The following FGGY variants were observed in gnomAD, a reference collection of about 807,000 sequenced individuals.
The protein encoded by FGGY is FGGY carbohydrate kinase domain-containing protein.
Under a neutral mutation model 71.3 loss-of-function variants are expected in FGGY, and 72 were observed. The observed-to-expected ratio is 1.01, with a 90% CI of 0.84 to 1.23. The LOEUF (loss-of-function observed/expected upper bound fraction) is 1.23, where lower values mean the gene tolerates loss of function less well. FGGY is among the 50% of genes most tolerant of loss of function. The pLI, the probability that FGGY is intolerant of heterozygous loss-of-function variation, is 0.00. For missense variants in FGGY, 668 were observed against 682.3 expected, an observed-to-expected ratio of 0.98 and a Z score of 0.23; for synonymous variants, 251 against 250.3, an observed-to-expected ratio of 1.00 and a Z score of -0.02.
chr1:59,601,741 G>A (rs1489011205), intron 8 of FGGY, among the ~76,000 whole-genome samples: 1 of 152,186 alleles, frequency 6.6e-6, no homozygotes, highest in African/African-American at 2.4e-5. Flanking sequence ...TGGCTCTGAT[G>A]TCTGTCTTTC....
Position 59,587,229 on chromosome 1 carries a change from G to A in FGGY, c.904-20574G>A, listed in dbSNP as rs2096313930. Among the ~76,000 whole-genome samples, 3 of 152,330 alleles carry A rather than the reference G, an allele frequency of 2.0e-5. No individual in the cohort carries two copies. The South Asian group carries it at 6.2e-4, about 32-fold the overall frequency. On this transcript the variant is annotated intron_variant, in intron 8 of 15. Transcript: ENST00000303721. ...TCTGAGATCAAACTGCAAGGCGGCA[G>A]CAAGGCTGGGGGAGGGGCGCCCGCC...
At chr1:59,681,442 ACT>A (rs2097497834) in intron 14 of FGGY, among the ~76,000 whole-genome samples, 1 of 151,992 alleles carries the variant, frequency 6.6e-6, no homozygotes, top group Non-Finnish European at 1.5e-5. Flanking sequence ...GGATTACAGA[ACT>A]CTCTTTCTAT....
chr1:59,484,182 G>A (rs911878500), intron 6 of FGGY, among the ~76,000 whole-genome samples: 3 of 152,120 alleles, frequency 2.0e-5, no homozygotes, highest in Non-Finnish European at 4.4e-5. Context: ...TTCAAAAGCA[G>A]GCCTGACTCC....
intron 8 of FGGY, among the ~76,000 whole-genome samples, chr1:59,596,781 G>A (rs1433170253): frequency 3.3e-5 from 5 of 152,174 alleles, no homozygotes; most frequent in East Asian, 1.9e-4. Context: ...TCTGCCTGCC[G>A]CAGATGTGCT....
Position 59,367,523 on chromosome 1 carries a change from C to CT in FGGY, c.466-11222dup, listed in dbSNP as rs780575265. Among the ~76,000 whole-genome samples the CT allele has an allele frequency of 2.6e-5, 4 of 152,340 alleles. No homozygotes were observed. The East Asian group carries it at 5.8e-4, about 22-fold the overall frequency. On this transcript the variant is annotated intron_variant, in intron 4 of 15. Coordinates refer to ENST00000303721, the MANE Select transcript of FGGY (RefSeq NM_018291.5). ...GGGGAATTAGGGAGCTGTTCCCTCC[C>CT]TTTTGTTTACTGCTCACAGCAGATA... is the stretch of plus-strand genomic sequence containing the variant.
chr1:59,640,006 C>G (rs1430936579), intron 11 of FGGY, among the ~76,000 whole-genome samples: 3 of 152,208 alleles, frequency 2.0e-5, no homozygotes, highest in Non-Finnish European at 4.4e-5. Context: ...ATTCTCATAT[C>G]ATGAGAATAA....
intron 10 of FGGY, among the ~76,000 whole-genome samples, chr1:59,627,485 TATATACAC>T (rs1335042801): frequency 0.01 from 1,139 of 113,820 alleles, 9 homozygotes; most frequent in Middle Eastern, 0.035. Flanking sequence ...TATATATATA[TATATACAC>T]ACACACACAC....
At chr1:59,618,702 G>A (rs892808805) in intron 9 of FGGY, among the ~76,000 whole-genome samples, 1 of 152,050 alleles carries the variant, frequency 6.6e-6, no homozygotes, top group Non-Finnish European at 1.5e-5. Flanking sequence ...GATGACAAAA[G>A]TGTCCTCAGT....
chr1:59,380,387 G>T (rs954816992), intron 5 of FGGY, among the ~76,000 whole-genome samples: 38 of 151,500 alleles, frequency 2.5e-4, no homozygotes, highest in Non-Finnish European at 4.9e-4. Context: ...TTCCACAATG[G>T]TTGAACTAGT....
At chr1:59,514,452 C>A (rs1207488890) in intron 7 of FGGY, among the ~76,000 whole-genome samples, 2 of 152,190 alleles carry the variant, frequency 1.3e-5, no homozygotes, top group Non-Finnish European at 2.9e-5. Context: ...ATGACCCTCA[C>A]CTTTTTCCTA....
chr1:59,657,871 A>T (rs1321468485), intron 11 of FGGY, among the ~76,000 whole-genome samples: 1 of 152,216 alleles, frequency 6.6e-6, no homozygotes. Flanking sequence ...GCAAGTAACT[A>T]AAAGTGTTCT....
chr1:59,668,991 C>CAAAAA (rs33999903), intron 13 of FGGY, among the ~76,000 whole-genome samples: 2 of 37,094 alleles, frequency 5.4e-5, no homozygotes, highest in Non-Finnish European at 1.3e-4. Context: ...AACTCCATCT[C>CAAAAA]AAAAAAAAAA....
chr1:59,635,990 G>A (rs1363933273), intron 10 of FGGY, among the ~76,000 whole-genome samples: 1 of 152,128 alleles, frequency 6.6e-6, no homozygotes, highest in Non-Finnish European at 1.5e-5. Context: ...TCCCCAACTG[G>A]GCAGTGTTGG....
intron 8 of FGGY, among the ~76,000 whole-genome samples, chr1:59,572,797 G>A (rs2096009233): frequency 6.6e-6 from 1 of 152,194 alleles, no homozygotes; most frequent in Admixed American, 6.5e-5. Context: ...CCTAAGATGA[G>A]CTGCTCCCCA....
chr1:59,314,290 G>A (rs1160445262), intron 1 of FGGY, among the ~76,000 whole-genome samples: 1 of 152,288 alleles, frequency 6.6e-6, no homozygotes, highest in Non-Finnish European at 1.5e-5. Context: ...TTTAAAAGAT[G>A]TGGGTTTCAA....
intron 5 of FGGY, among the ~76,000 whole-genome samples, chr1:59,446,268 T>C (rs1245254362): frequency 1.3e-5 from 2 of 152,248 alleles, no homozygotes; most frequent in African/African-American, 4.8e-5. Flanking sequence ...TAGATCTCTT[T>C]CTTTTGGTGG....
intron 5 of FGGY, among the ~76,000 whole-genome samples, chr1:59,445,227 C>A (rs2070960435): frequency 6.6e-6 from 1 of 152,174 alleles, no homozygotes; most frequent in South Asian, 2.1e-4. Context: ...GTATGCACAG[C>A]AAGGATCTTG....
intron 14 of FGGY, among the ~76,000 whole-genome samples, chr1:59,736,760 C>A (rs904633063): frequency 6.6e-6 from 1 of 152,146 alleles, no homozygotes; most frequent in Non-Finnish European, 1.5e-5. Context: ...CCTGACAATG[C>A]AATAGAAAAG....
intron 1 of FGGY, among the ~76,000 whole-genome samples, chr1:59,304,422 G>C (rs1243950503): frequency 1.3e-5 from 2 of 152,026 alleles, no homozygotes; most frequent in Non-Finnish European, 2.9e-5. Flanking sequence ...GGTTCCATTA[G>C]TGTATATGTC....
Sources: allele counts gnomAD v4.1 joint callset (sites outside exome capture counted in the v4.1 genomes callset), GRCh38; gene constraint gnomAD v4.1.1; transcripts MANE v1.5; gene names NCBI Gene and HGNC (gene_info 2026-07-23, HGNC 2026-07-21).